The following UNKL variants were observed in gnomAD, a reference collection of about 807,000 sequenced individuals.
UNKL encodes the protein putative E3 ubiquitin-protein ligase UNKL.
Under a neutral mutation model 78.0 loss-of-function variants are expected in UNKL, and 60 were observed. The observed-to-expected ratio is 0.77, with a 90% CI of 0.63 to 0.95. UNKL has a LOEUF of 0.95. UNKL is among the 40% of genes least tolerant of loss of function. The pLI is 0.00. For missense variants in UNKL, 1,159 were observed against 1,045.7 expected (o/e 1.11, Z -1.49); for synonymous variants, 608 against 474.8 (o/e 1.28, Z -3.65).
rs1329068052 is a variant in UNKL at position 1,399,457 on chromosome 16, T to C, written c.651A>G (p.Pro217=). 3.1e-6 allele frequency: 5 copies of C among 1,603,304 alleles called. No individual in the cohort carries two copies. The highest frequency in any genetic ancestry group is 4.3e-6 in the Non-Finnish European group (5 of 1,175,814). The change falls in exon 5 of 15, where the codon CCA becomes CCG. Residue 217 remains proline (P), a synonymous_variant. Transcript: ENST00000389221. This position sits in a 1 kb window ranked among gnomAD's most constrained non-coding sequence, Gnocchi z 5.8. ...ACGCATAGCCCTGGCGGCACAGGCG[T>C]GGCGGCTTCGGGCACTGCTCCGTCT... is the stretch of plus-strand genomic sequence containing the variant. ...SYKTEQCPKP[P]RLCRQGYACP... is the part of the protein sequence containing the mutation.
chr16:1,381,487 G>A (rs2036605088), intron 10 of UNKL, among the ~76,000 whole-genome samples: 2 of 152,158 alleles, frequency 1.3e-5, no homozygotes, highest in Non-Finnish European at 2.9e-5. Context: ...GGGCATGATG[G>A]CACACACCTG....
intron 5 of UNKL, chr16:1,398,284 A>C (rs1036185229): frequency 1.0e-6 from 1 of 995,594 alleles, no homozygotes; most frequent in Admixed American, 5.5e-5. Context: ...CTCATAAAAA[A>C]ACAAAATCCT....
At position 1,367,142 on chromosome 16, in the gene UNKL, GC is replaced by G. The variant is rs1214416859; in HGVS notation, c.1995del (p.Lys665AsnfsTer19). 6.3e-7 allele frequency: 1 copy of G among 1,599,378 alleles called. No homozygotes were observed. Among genetic ancestry groups the G allele is most frequent in the Admixed American group, 1.7e-5 (1 of 58,792 alleles). ...CGDIGTIPLP[K>X]LHSLQSQLRL... ...CGCAGCTGACTCTGCAGCGAGTGCA[GC>G]TTCGGCAGGGGAATGGTGCCGATGT... On this transcript the variant is annotated frameshift_variant, in exon 14 of 15. Coordinates refer to ENST00000389221, the MANE Select transcript of UNKL (RefSeq NM_001372107.1). LOFTEE classifies it high-confidence loss of function.
chr16:1,383,103 C>CA (rs1209322926), intron 10 of UNKL, among the ~76,000 whole-genome samples: 7,059 of 73,126 alleles, frequency 0.097, 274 homozygotes, highest in African/African-American at 0.14. Flanking sequence ...ACTAAAAATA[C>CA]AAAAAAAAAA....
chr16:1,403,116 A>G lies in UNKL; in HGVS notation c.464+52T>C. The G allele has an allele frequency of 6.4e-7, 1 of 1,557,214 alleles. No individual in the cohort carries two copies. The highest frequency in any genetic ancestry group is 8.7e-7 in the Non-Finnish European group (1 of 1,150,510). The stretch of plus-strand genomic sequence containing the variant: ...CTTGCCGAGTTCCTGCTCATCCAGC[A>G]GAGCCCACAGCAGCAGGCAGGCCAA... On this transcript the variant is annotated intron_variant, in intron 3 of 14. Coordinates refer to ENST00000389221, the MANE Select transcript of UNKL (RefSeq NM_001372107.1). The surrounding 1 kb of genome is among the most constrained non-coding windows in gnomAD (Gnocchi z 4.8).
At chr16:1,398,693 C>CCCCCCCCCCCCCCA in intron 5 of UNKL, 1 of 1,206,638 alleles carries the variant, frequency 8.3e-7, no homozygotes. Context: ...CCCCCCACCC[C>CCCCCCCCCCCCCCA]CCTCTCAGGT....
chr16:1,398,679 G>GCCGCCCC, intron 5 of UNKL: 7 of 1,356,238 alleles, frequency 5.2e-6, no homozygotes, highest in Non-Finnish European at 6.7e-6. Flanking sequence ...TGTGGGGTCT[G>GCCGCCCC]CACCCCCCCA....
chr16:1,369,708 C>G (rs113492335), intron 12 of UNKL, among the ~76,000 whole-genome samples: 1 of 152,192 alleles, frequency 6.6e-6, no homozygotes, highest in Non-Finnish European at 1.5e-5. Context: ...TAGCCGGGCA[C>G]GGTGGCTCAC....
intron 9 of UNKL, among the ~76,000 whole-genome samples, chr16:1,390,268 G>C (rs947784355): frequency 6.6e-6 from 1 of 152,190 alleles, no homozygotes; most frequent in South Asian, 2.1e-4. Flanking sequence ...TTACAGGTGT[G>C]AGCCACCGTG....
chr16:1,405,589 GA>G (rs1015343150), intron 2 of UNKL, among the ~76,000 whole-genome samples: 2 of 151,148 alleles, frequency 1.3e-5, no homozygotes, highest in Non-Finnish European at 3.0e-5. Context: ...AAAAAAAAAA[GA>G]AACTGGAAAA....
chr16:1,376,078 C>T (rs2036194690), intron 10 of UNKL, among the ~76,000 whole-genome samples: 1 of 151,730 alleles, frequency 6.6e-6, no homozygotes, highest in African/African-American at 2.4e-5. Context: ...CCTCCTCCCT[C>T]CAGGGCTGGG....
In UNKL at chr16:1,404,922, A is replaced by G. The variant is rs373739455; in HGVS notation, c.288-1578T>C. Among the ~76,000 whole-genome samples, 8 of 152,256 alleles carry G rather than the reference A, an allele frequency of 5.3e-5. No homozygotes were observed. In the South Asian group the frequency reaches 1.7e-3, roughly 32 times the overall value. On this transcript the variant is annotated intron_variant, in intron 2 of 14. Transcript: ENST00000389221. ...CAGACTTAGAAGGAAGGACTGGCAC[A>G]CTGGCTGACATCTGTAATCCCAGCA...
chr16:1,413,687 A>G (rs774602796), intron 2 of UNKL, among the ~76,000 whole-genome samples, 159 bp downstream of exon 2: 1 of 152,264 alleles, frequency 6.6e-6, no homozygotes, highest in Non-Finnish European at 1.5e-5. Flanking sequence ...ATGCCGCCCC[A>G]GCATCCCTGG....
intron 2 of UNKL, among the ~76,000 whole-genome samples, chr16:1,409,849 G>A (rs2037956362): frequency 6.6e-6 from 1 of 152,120 alleles, no homozygotes; most frequent in Non-Finnish European, 1.5e-5. Flanking sequence ...TGGAGGCCAA[G>A]GCTAGCGGAT....
Position 1,401,623 on chromosome 16 carries a change from G to A in UNKL, c.543C>T (p.Val181=). ...GEGVPDLQPG[V]LASQAMIEKI... ...TCTCAATCATGGCCTGGCTGGCCAA[G>A]ACCCCAGGCTGCAGATCCGGGACCC... The change falls in exon 4 of 15, where the codon GTC becomes GTT. Residue 181 remains valine, a synonymous_variant. Transcript: ENST00000389221. 1 of 1,609,926 alleles carries A rather than the reference G, an allele frequency of 6.2e-7. No homozygotes were observed. The highest frequency in any genetic ancestry group is 1.7e-5 in the Admixed American group (1 of 59,726).
rs373014956 is a variant in UNKL, at chr16:1,370,041, G to A, written c.1585+89C>T. 168 of 1,550,872 alleles carry A rather than the reference G, an allele frequency of 1.1e-4. 1 individual carries two copies. Among genetic ancestry groups the A allele is most frequent in the Non-Finnish European group, 1.3e-4 (151 of 1,146,918 alleles). ...CACCACAGATAGGGCACAAGGTTCCGTGTGAGGCCCCTCAGTCAGGACGGC... is the reference window on the plus strand; with the variant it reads ...CACCACAGATAGGGCACAAGGTTCCATGTGAGGCCCCTCAGTCAGGACGGC... On this transcript the variant is annotated intron_variant, in intron 12 of 14. Transcript: ENST00000389221.
chr16:1,367,503 TCCCTCCCTC>T lies in UNKL; in HGVS notation c.1788+144_1788+152del, dbSNP rs1347473148. 1.5e-3 allele frequency among the ~76,000 whole-genome samples: 11 copies of T among 7,478 alleles called. 1 individual carries two copies. The highest frequency in any genetic ancestry group is 4.5e-3 in the African/African-American group (9 of 2,020). The allele number at this position is 7,478 out of a possible 152,430, so 4.9% of individuals were successfully genotyped here. ...CTGCGGCCCTCCCTCCCTCCCTCCC[TCCCTCCCTC>T]CCCCTCCCGTCTCACCCCCCACACG... is the stretch of plus-strand genomic sequence containing the variant. On this transcript the variant is annotated intron_variant, in intron 13 of 14. Coordinates refer to ENST00000389221, the MANE Select transcript of UNKL (RefSeq NM_001372107.1).
At chr16:1,379,374 C>T (rs1291280851) in intron 10 of UNKL, among the ~76,000 whole-genome samples, 1 of 152,062 alleles carries the variant, frequency 6.6e-6, no homozygotes, top group Admixed American at 6.5e-5. Flanking sequence ...CCCCGCCTAG[C>T]TAGGGGACGC....
intron 13 of UNKL, 147 bp from the exon 14 acceptor site, chr16:1,367,496 C>A: frequency 1.3e-6 from 1 of 742,696 alleles, no homozygotes; most frequent in Non-Finnish European, 2.0e-6. Context: ...CTCCCTCCCT[C>A]CCTCCCTCCC....
Sources: allele counts gnomAD v4.1 joint callset (sites outside exome capture counted in the v4.1 genomes callset), GRCh38; gene constraint gnomAD v4.1.1; non-coding constraint Gnocchi (gnomAD v3.1); transcripts MANE v1.5; gene names NCBI Gene and HGNC (gene_info 2026-07-23, HGNC 2026-07-21).